The following ZIM2 variants were observed in gnomAD, a reference collection of about 807,000 sequenced individuals.
ZIM2 encodes zinc finger protein 656.
Under a neutral mutation model 38.6 loss-of-function variants are expected in ZIM2, and 14 were observed. The observed-to-expected ratio is 0.36, with a 90% CI of 0.24 to 0.57. The LOEUF is 0.57. Among genes scored for constraint, ZIM2 ranks in the 20% least tolerant of loss-of-function variants. The pLI is 0.81. For synonymous variants in ZIM2, 247 were observed against 245.8 expected, an observed-to-expected ratio of 1.00 and a Z score of -0.04; for missense variants, 680 against 695.1, an observed-to-expected ratio of 0.98 and a Z score of 0.24.
At chr19:56,792,816 T>A (rs1486158511) in intron 9 of ZIM2, among the ~76,000 whole-genome samples, 1 of 152,168 alleles carries the variant, frequency 6.6e-6, no homozygotes, top group Non-Finnish European at 1.5e-5. Flanking sequence ...AAAATAAAAA[T>A]TTTAAAATAA....
chr19:56,813,799 C>G (rs773370734), intron 9 of ZIM2: 1 of 1,614,070 alleles, frequency 6.2e-7, no homozygotes, highest in Non-Finnish European at 8.5e-7. Context: ...GGTGCTGGCA[C>G]GTTCGATGTA....
chr19:56,822,728 G>A (rs2060621942), intron 6 of ZIM2, 25 bp downstream of exon 6: 1 of 1,612,894 alleles, frequency 6.2e-7, no homozygotes, highest in South Asian at 1.1e-5. Flanking sequence ...ATCTCCTACT[G>A]GGAAAGAAAG....
chr19:56,817,672 T>C (rs995877533), intron 9 of ZIM2, 74 bp downstream of exon 9: 1 of 1,537,974 alleles, frequency 6.5e-7, no homozygotes, highest in African/African-American at 1.4e-5. Flanking sequence ...TGTTTAGGAA[T>C]GCAAAGTGTA....
rs757548086 is a variant in ZIM2 at position 56,775,164 on chromosome 19, G to A, written c.1201C>T (p.His401Tyr). 1.9e-6 allele frequency: 3 copies of A among 1,614,044 alleles called. No individual in the cohort carries two copies. In the Admixed American group the frequency reaches 5.0e-5, roughly 27 times the overall value. ...QCAEAFYLMP[H>Y]LNRHQKTHSG... ...TGGGTCTTCTGATGTCTGTTGAGGTGTGGCATGAGATAGAAGGCTTCAGCA... is the reference window on the plus strand; with the variant it reads ...TGGGTCTTCTGATGTCTGTTGAGGTATGGCATGAGATAGAAGGCTTCAGCA... The change falls in exon 13 of 13, where the codon CAC becomes TAC. Residue 401 changes from histidine to tyrosine, a missense_variant. Transcript: ENST00000629319.
intron 10 of ZIM2, chr19:56,782,585 T>C: frequency 2.9e-6 from 1 of 347,170 alleles, no homozygotes. Context: ...AAGTATTGGG[T>C]AAAAATTAAG....
chr19:56,783,226 A>G (rs138779675), intron 10 of ZIM2, among the ~76,000 whole-genome samples: 141 of 152,366 alleles, frequency 9.3e-4, no homozygotes, highest in Non-Finnish European at 1.6e-3. Flanking sequence ...ATGAAATAGT[A>G]TTCTAGCAAT....
intron 12 of ZIM2, among the ~76,000 whole-genome samples, chr19:56,776,793 T>G (rs1299786179): frequency 1.3e-5 from 2 of 151,928 alleles, no homozygotes; most frequent in African/African-American, 2.4e-5. Context: ...AGAAAATGAT[T>G]AGTGGAGGGG....
intron 10 of ZIM2, among the ~76,000 whole-genome samples, chr19:56,787,750 C>G: frequency 7.7e-6 from 1 of 129,526 alleles, no homozygotes; most frequent in African/African-American, 2.9e-5. Flanking sequence ...CTATTAATTA[C>G]TGCCTCAATT....
intron 11 of ZIM2, among the ~76,000 whole-genome samples, chr19:56,781,281 C>A (rs1382442192): frequency 1.3e-5 from 2 of 152,028 alleles, no homozygotes; most frequent in Admixed American, 1.3e-4. Context: ...GACCTCAAGC[C>A]CCCAAAAAAG....
intron 3 of ZIM2, among the ~76,000 whole-genome samples, chr19:56,825,931 C>T (rs912565959): frequency 6.6e-6 from 1 of 152,208 alleles, no homozygotes; most frequent in African/African-American, 2.4e-5. Context: ...TTACTCGTCT[C>T]AGTGATGGGC....
chr19:56,812,636 G>T (rs2059613652), intron 9 of ZIM2: 1 of 985,542 alleles, frequency 1.0e-6, no homozygotes, highest in Admixed American at 6.2e-5. Flanking sequence ...GTGATGAAAG[G>T]TTATTAGCCT....
At chr19:56,803,815 TG>T (rs751367307) in intron 9 of ZIM2, among the ~76,000 whole-genome samples, 11 of 152,220 alleles carry the variant, frequency 7.2e-5, no homozygotes, top group Non-Finnish European at 1.5e-4. Flanking sequence ...TCCTGGGTCC[TG>T]CTCTTTTAAC....
At chr19:56,779,544 A>C in intron 11 of ZIM2, 72 bp from the exon 12 acceptor site, 2 of 1,447,080 alleles carry the variant, frequency 1.4e-6, no homozygotes, top group Non-Finnish European at 1.9e-6. Flanking sequence ...ACTCTGGAAT[A>C]ATAAGGAAGG....
intron 9 of ZIM2, among the ~76,000 whole-genome samples, chr19:56,792,714 T>C (rs749127295): frequency 1.3e-5 from 2 of 152,060 alleles, no homozygotes; most frequent in Non-Finnish European, 2.9e-5. Flanking sequence ...AGTACTATGT[T>C]CACTACTTGG....
At chr19:56,776,450 T>C (rs1317083511) in intron 12 of ZIM2, among the ~76,000 whole-genome samples, 1 of 152,240 alleles carries the variant, frequency 6.6e-6, no homozygotes, top group African/African-American at 2.4e-5. Flanking sequence ...AGGTACAGAA[T>C]GTGGCATTTC....
intron 6 of ZIM2, 37 bp downstream of exon 6, chr19:56,822,716 A>C (rs368047298): frequency 1.9e-6 from 3 of 1,610,704 alleles, no homozygotes; most frequent in Non-Finnish European, 2.5e-6. Context: ...CACATGCTCT[A>C]TATCTCCTAC....
Position 56,818,588 on chromosome 19 carries a change from G to A in ZIM2, c.397+12C>T, listed in dbSNP as rs777493391. On this transcript the variant is annotated intron_variant, in intron 8 of 12. Coordinates refer to ENST00000629319, the MANE Select transcript of ZIM2 (RefSeq NM_001387356.1). ...ACTGGACTGGGAGTGACTGAGAGAA[G>A]CAGCTGCTTACCGAGGGAGAGCAGC... The A allele has an allele frequency of 3.7e-6, 6 of 1,614,020 alleles. No homozygotes were observed. The highest frequency in any genetic ancestry group is 3.4e-6 in the Non-Finnish European group (4 of 1,179,950).
chr19:56,786,988 C>T (rs113967962), intron 10 of ZIM2, among the ~76,000 whole-genome samples: 1 of 152,060 alleles, frequency 6.6e-6, no homozygotes, highest in Non-Finnish European at 1.5e-5. Context: ...AGGTGTGTGT[C>T]ACCACGCCCA....
At chr19:56,799,068 C>T (rs1230223641) in intron 9 of ZIM2, 1 of 152,014 alleles carries the variant, frequency 6.6e-6, no homozygotes, top group Admixed American at 6.6e-5. Context: ...TCCTCAAAGA[C>T]CTAGGGGAAG....
Sources: allele counts gnomAD v4.1 joint callset (sites outside exome capture counted in the v4.1 genomes callset), GRCh38; gene constraint gnomAD v4.1.1; transcripts MANE v1.5; gene names NCBI Gene and HGNC (gene_info 2026-07-23, HGNC 2026-07-21).